KYAT1: variants seen among roughly 807,000 people sequenced by gnomAD.
The protein encoded by KYAT1 is kynurenine aminotransferase 1.
Under a neutral mutation model 52.4 loss-of-function variants are expected in KYAT1, and 47 were observed. The observed-to-expected ratio is 0.90, with a 90% CI of 0.71 to 1.14. The LOEUF (loss-of-function observed/expected upper bound fraction) is 1.14. Among genes scored for constraint, KYAT1 ranks in the 50% most tolerant of loss-of-function variants. KYAT1 has a pLI of 0.00. For synonymous variants in KYAT1, 212 were observed against 209.6 expected, an observed-to-expected ratio of 1.01 and a Z score of -0.10; for missense variants, 480 against 557.9, an observed-to-expected ratio of 0.86 and a Z score of 1.41.
At chr9:128,865,598 G>A (rs1588138268) in intron 1 of KYAT1, among the ~76,000 whole-genome samples, 2 of 151,340 alleles carry the variant, frequency 1.3e-5, no homozygotes, top group East Asian at 3.9e-4. Context: ...CTGACGTCAG[G>A]TGATCCACCC....
intron 1 of KYAT1, chr9:128,846,631 AAAG>A: frequency 4.3e-6 from 5 of 1,159,136 alleles, no homozygotes; most frequent in South Asian, 3.5e-5. Context: ...AAAAAGAAAG[AAAG>A]AAATTGGCCA....
intron 1 of KYAT1, among the ~76,000 whole-genome samples, chr9:128,864,669 C>T (rs1021753423): frequency 3.3e-5 from 5 of 151,986 alleles, no homozygotes; most frequent in South Asian, 2.1e-4. Context: ...AGTGCAGCAG[C>T]GCGATCTCAG....
At position 128,845,389 on chromosome 9, in the gene KYAT1, T is replaced by C. The variant is rs1459616455; in HGVS notation, c.17A>G (p.Gln6Arg). The C allele has an allele frequency of 6.2e-7, 1 of 1,613,740 alleles. No homozygotes were observed. The highest frequency in any genetic ancestry group is 8.5e-7 in the Non-Finnish European group (1 of 1,179,976). Residue 6 changes from glutamine (Q) to arginine (R), a missense_variant, in exon 2 of 13, where the codon CAG becomes CGG. Physicochemically the swap from Gln to Arg is conservative, Grantham distance 43. Transcript: ENST00000302586. ...GTCGATCCCGTCTAGCCTTCGGGCC[T>C]GCAGCTGTTTGGCCATGGCGAGCTG... Reference protein sequence around the residue: MAKQLQARRLDGIDYN... With the variant: MAKQLRARRLDGIDYN...
At chr9:128,866,835 G>A (rs1470583368) in intron 1 of KYAT1, among the ~76,000 whole-genome samples, 1 of 150,548 alleles carries the variant, frequency 6.6e-6, no homozygotes, top group Non-Finnish European at 1.5e-5. Flanking sequence ...GAGCCCAGGA[G>A]GCGGAGGTTG....
chr9:128,852,391 G>A (rs201827254), intron 1 of KYAT1, among the ~76,000 whole-genome samples: 2 of 152,148 alleles, frequency 1.3e-5, no homozygotes, highest in Non-Finnish European at 2.9e-5. Flanking sequence ...TATACCAGCC[G>A]TAAATAATAA....
chr9:128,860,232 C>G (rs1835271085), intron 1 of KYAT1: 1 of 152,282 alleles, frequency 6.6e-6, no homozygotes, highest in Non-Finnish European at 1.5e-5. Context: ...GGATCTTCCC[C>G]ACTCAGTCCA....
intron 1 of KYAT1, chr9:128,846,628 AAG>A: frequency 2.8e-6 from 3 of 1,068,568 alleles, no homozygotes; most frequent in Non-Finnish European, 3.9e-6. Context: ...AAAAAAAAGA[AAG>A]AAAGAAATTG....
intron 1 of KYAT1, among the ~76,000 whole-genome samples, chr9:128,857,906 G>C (rs182098305): frequency 6.6e-6 from 1 of 152,158 alleles, no homozygotes; most frequent in African/African-American, 2.4e-5. Context: ...AGAAAACATA[G>C]GAATAAATCT....
chr9:128,849,803 AAAAAAAAG>A (rs1317437726), intron 1 of KYAT1, among the ~76,000 whole-genome samples: 1 of 136,322 alleles, frequency 7.3e-6, no homozygotes, highest in Admixed American at 8.3e-5. Context: ...CTCAAAAAAA[AAAAAAAAG>A]AAAAGAAAAG....
At chr9:128,873,757 T>C (rs1837569570) in intron 1 of KYAT1, among the ~76,000 whole-genome samples, 1 of 149,224 alleles carries the variant, frequency 6.7e-6, no homozygotes, top group African/African-American at 2.5e-5. Context: ...CGAGACTCCA[T>C]CTCAAAAAGA....
At chr9:128,872,889 A>G (rs1160695606) in intron 1 of KYAT1, among the ~76,000 whole-genome samples, 7 of 150,212 alleles carry the variant, frequency 4.7e-5, no homozygotes, top group Non-Finnish European at 1.5e-5. Context: ...CCTGGTCAAC[A>G]TGATGAAACC....
At chr9:128,869,902 C>T (rs1326279894) in intron 1 of KYAT1, among the ~76,000 whole-genome samples, 1 of 151,902 alleles carries the variant, frequency 6.6e-6, no homozygotes, top group Non-Finnish European at 1.5e-5. Flanking sequence ...TACAGGTGTT[C>T]GCCACTACGC....
rs201687799 is a variant in KYAT1, at chr9:128,838,080, C to A, written c.409G>T (p.Gly137Cys). Residue 137 changes from glycine to cysteine, a missense_variant, in exon 5 of 13, where the codon GGT (glycine) becomes TGT (cysteine). By Grantham distance (159) the Gly-to-Cys change is radical (BLOSUM62 -3). Coordinates refer to ENST00000302586, the MANE Select transcript of KYAT1 (RefSeq NM_004059.5). ...CYEPMTMMAG[G>C]RPVFVSLKPG... ...TTCAGGGACACAAACACAGGACGAC[C>A]CCCTGCCATCATTGTCATGGGCTCG... is the stretch of plus-strand genomic sequence containing the variant. 1 of 1,614,146 alleles carries A rather than the reference C, an allele frequency of 6.2e-7. No homozygotes were observed. Among genetic ancestry groups the A allele is most frequent in the Non-Finnish European group, 8.5e-7 (1 of 1,180,026 alleles).
rs1318227646 is a variant in KYAT1, at chr9:128,833,425, A to G, written c.*159T>C. ...GGCACTTGGTTCTCTAAGATGAAGA[A>G]GGGCGGCTCCCACCCAGAACATTCT... On this transcript the variant is annotated 3_prime_UTR_variant, in exon 13 of 13. Transcript: ENST00000302586. 2 of 733,630 alleles carry G rather than the reference A, an allele frequency of 2.7e-6. No homozygotes were observed. Among genetic ancestry groups the G allele is most frequent in the Non-Finnish European group, 4.5e-6 (2 of 447,336 alleles). 45.4% of individuals were successfully genotyped at this position (733,630 alleles called of 1,614,324 possible).
At chr9:128,843,184 A>C (rs984026432) in intron 2 of KYAT1, among the ~76,000 whole-genome samples, 2 of 152,080 alleles carry the variant, frequency 1.3e-5, no homozygotes, top group African/African-American at 4.8e-5. Flanking sequence ...ACAAAAACAA[A>C]AAACAAAAAA....
chr9:128,836,121 C>G, intron 7 of KYAT1, 48 bp from the exon 8 acceptor site: 1 of 1,578,210 alleles, frequency 6.3e-7, no homozygotes, highest in Non-Finnish European at 8.7e-7. Flanking sequence ...GTGAGGGGGA[C>G]GGGGGAGGAT....
intron 1 of KYAT1, among the ~76,000 whole-genome samples, chr9:128,876,976 G>A (rs555538752): frequency 6.6e-6 from 1 of 152,076 alleles, no homozygotes; most frequent in East Asian, 1.9e-4. Flanking sequence ...TCGGCTCACT[G>A]CAACCTCTGC....
chr9:128,866,652 G>GT (rs1836427434), intron 1 of KYAT1, among the ~76,000 whole-genome samples: 2 of 151,842 alleles, frequency 1.3e-5, no homozygotes, highest in Non-Finnish European at 2.9e-5. Flanking sequence ...GCTCATGCCT[G>GT]TAATCCCAGC....
chr9:128,850,829 C>A (rs540799749), intron 1 of KYAT1, among the ~76,000 whole-genome samples: 2 of 152,200 alleles, frequency 1.3e-5, no homozygotes, highest in African/African-American at 4.8e-5. Flanking sequence ...CACCCTATGG[C>A]GGGAGGCGAG....
Sources: allele counts gnomAD v4.1 joint callset (sites outside exome capture counted in the v4.1 genomes callset), GRCh38; gene constraint gnomAD v4.1.1; transcripts MANE v1.5; gene names NCBI Gene and HGNC (gene_info 2026-07-23, HGNC 2026-07-21).